NKAIN2: variants seen among roughly 807,000 people sequenced by gnomAD.
NKAIN2 encodes sodium/potassium transporting ATPase interacting 2, also known as sodium/potassium-transporting ATPase subunit beta-1-interacting protein 2.
In NKAIN2, 14 loss-of-function variants were observed where a neutral mutation model predicts 32.6. The observed-to-expected ratio is 0.43, with a 90% CI of 0.28 to 0.67. The LOEUF (loss-of-function observed/expected upper bound fraction) is 0.67, where lower values mean the gene tolerates loss of function less well. Among genes scored for constraint, NKAIN2 ranks in the 30% least tolerant of loss-of-function variants. NKAIN2 has a pLI of 0.17. For missense variants in NKAIN2, 198 were observed against 258.3 expected (o/e 0.77, Z 1.60); for synonymous variants, 80 against 87.2 (o/e 0.92, Z 0.46).
chr6:124,382,346 C>A (rs146801596), intron 3 of NKAIN2, among the ~76,000 whole-genome samples: 3 of 152,082 alleles, frequency 2.0e-5, no homozygotes, highest in African/African-American at 7.2e-5. Flanking sequence ...CTCTTTATAT[C>A]CATCATAAAT....
At position 123,982,835 on chromosome 6, in the gene NKAIN2, A is replaced by C. The variant is rs1037204758; in HGVS notation, c.54+178581A>C. Among the ~76,000 whole-genome samples the C allele has an allele frequency of 2.0e-5, 3 of 152,290 alleles. No individual in the cohort carries two copies. The South Asian group carries it at 6.2e-4, about 32-fold the overall frequency. ...TCTAATAAACAGAAGTGTTTGTCCA[A>C]GGGTTATCAATATGAGATGCAAAAG... On this transcript the variant is annotated intron_variant, in intron 1 of 6. Transcript: ENST00000368417.
At chr6:123,883,091 G>A (rs532623873) in intron 1 of NKAIN2, among the ~76,000 whole-genome samples, 1 of 152,204 alleles carries the variant, frequency 6.6e-6, no homozygotes, top group East Asian at 1.9e-4. Flanking sequence ...CTTGGTGGGA[G>A]GTGGTTAGAT....
In NKAIN2 at chr6:124,362,140, T is replaced by G. The variant is rs150868485; in HGVS notation, c.273+6793T>G. 9.6e-3 allele frequency among the ~76,000 whole-genome samples: 1,457 copies of G among 152,182 alleles called. 26 individuals carry two copies. The highest frequency in any genetic ancestry group is 0.033 in the African/African-American group (1,386 of 41,544). ...ATTTAAGACAAAATTTAACAAATAT[T>G]ATGATGATAATATATTGGGTTCATT... On this transcript the variant is annotated intron_variant, in intron 3 of 6. Coordinates refer to ENST00000368417, the MANE Select transcript of NKAIN2 (RefSeq NM_001040214.3).
intron 4 of NKAIN2, among the ~76,000 whole-genome samples, chr6:124,679,881 T>C (rs1449495924): frequency 6.6e-6 from 1 of 152,206 alleles, no homozygotes; most frequent in African/African-American, 2.4e-5. Flanking sequence ...GATTTTTACA[T>C]GAGAGCTGGG....
chr6:124,493,501 AG>A (rs551324200), intron 3 of NKAIN2, among the ~76,000 whole-genome samples: 100 of 152,132 alleles, frequency 6.6e-4, no homozygotes, highest in African/African-American at 2.2e-3. Flanking sequence ...ACAAATGAAC[AG>A]GAAGTGTGTC....
chr6:124,189,548 A>C (rs1789913554), intron 1 of NKAIN2, among the ~76,000 whole-genome samples: 1 of 152,018 alleles, frequency 6.6e-6, no homozygotes, highest in Non-Finnish European at 1.5e-5. Context: ...AAATACAAAA[A>C]AGTTAGCCTG....
intron 2 of NKAIN2, among the ~76,000 whole-genome samples, chr6:124,323,784 CTTTTTTTTTTTTT>C (rs1188944631): frequency 8.6e-6 from 1 of 115,932 alleles, no homozygotes; most frequent in Non-Finnish European, 1.7e-5. Context: ...TTAATTTTTT[CTTTTTTTTTTTTT>C]TTTTTTCTGA....
At chr6:124,593,620 GA>G (rs1781987329) in intron 3 of NKAIN2, among the ~76,000 whole-genome samples, 2 of 151,990 alleles carry the variant, frequency 1.3e-5, no homozygotes, top group Admixed American at 6.6e-5. Flanking sequence ...CTTAAGCAAA[GA>G]AATTTGAACT....
Position 124,504,302 on chromosome 6 carries a change from A to G in NKAIN2, c.273+148955A>G, listed in dbSNP as rs546219325. 2.0e-5 allele frequency among the ~76,000 whole-genome samples: 3 copies of G among 152,222 alleles called. No homozygotes were observed. The South Asian group carries it at 6.2e-4, about 32-fold the overall frequency. ...ATTTTTGCATAGGAGTGATGTTTTT[A>G]ACCTTATTAAAATTAAACTTTAACA... On this transcript the variant is annotated intron_variant, in intron 3 of 6. Coordinates refer to ENST00000368417, the MANE Select transcript of NKAIN2 (RefSeq NM_001040214.3).
At chr6:124,696,374 G>C (rs1377406106) in intron 4 of NKAIN2, among the ~76,000 whole-genome samples, 3 of 151,982 alleles carry the variant, frequency 2.0e-5, no homozygotes, top group Non-Finnish European at 2.9e-5. Context: ...ATGCCTAAGT[G>C]CCATATTTTG....
intron 3 of NKAIN2, among the ~76,000 whole-genome samples, chr6:124,642,268 T>C (rs1350657803): frequency 6.6e-6 from 1 of 152,208 alleles, no homozygotes; most frequent in African/African-American, 2.4e-5. Flanking sequence ...AACCATACTT[T>C]CTCAGCTGTT....
At chr6:124,116,954 G>A (rs1290632433) in intron 1 of NKAIN2, among the ~76,000 whole-genome samples, 1 of 151,880 alleles carries the variant, frequency 6.6e-6, no homozygotes, top group Non-Finnish European at 1.5e-5. Flanking sequence ...AAGGCATTAG[G>A]TACAGATCAT....
At chr6:124,199,026 A>T (rs1478450178) in intron 1 of NKAIN2, among the ~76,000 whole-genome samples, 1 of 152,168 alleles carries the variant, frequency 6.6e-6, no homozygotes, top group Non-Finnish European at 1.5e-5. Flanking sequence ...GAACTTACAA[A>T]TATATTTGAA....
chr6:123,822,818 T>A (rs1404619039), intron 1 of NKAIN2, among the ~76,000 whole-genome samples: 1 of 152,224 alleles, frequency 6.6e-6, no homozygotes, highest in Non-Finnish European at 1.5e-5. Context: ...TAATCTGTAA[T>A]GTATTTACTT....
intron 3 of NKAIN2, among the ~76,000 whole-genome samples, chr6:124,412,852 C>T (rs1774270463): frequency 6.6e-6 from 1 of 152,198 alleles, no homozygotes; most frequent in Non-Finnish European, 1.5e-5. Context: ...GCTTTGTTTA[C>T]CTACTCAAGC....
At chr6:124,280,115 G>T (rs988518147) in intron 1 of NKAIN2, among the ~76,000 whole-genome samples, 1 of 152,096 alleles carries the variant, frequency 6.6e-6, no homozygotes, top group Non-Finnish European at 1.5e-5. Context: ...CATGTATTTT[G>T]CTAGGCCAAA....
At chr6:124,133,929 A>G (rs1377333730) in intron 1 of NKAIN2, among the ~76,000 whole-genome samples, 1 of 152,170 alleles carries the variant, frequency 6.6e-6, no homozygotes, top group Non-Finnish European at 1.5e-5. Flanking sequence ...TACTCAAATG[A>G]GAAGGAACCA....
At chr6:124,501,697 G>A (rs1778297611) in intron 3 of NKAIN2, among the ~76,000 whole-genome samples, 1 of 151,948 alleles carries the variant, frequency 6.6e-6, no homozygotes. Context: ...CAACTTCCTT[G>A]ATACATTATA....
chr6:124,818,415 T>G lies in NKAIN2; in HGVS notation c.564T>G (p.Tyr188Ter). The G allele has an allele frequency of 6.2e-7, 1 of 1,605,772 alleles. No homozygotes were observed. The highest frequency in any genetic ancestry group is 1.3e-5 in the African/African-American group (1 of 74,828). The change falls in exon 6 of 7, where the codon TAT (tyrosine) becomes TAG (stop). Residue 188 changes from tyrosine (Y) to a stop codon, truncating the protein, a stop_gained. Transcript: ENST00000368417. LOFTEE classifies it high-confidence loss of function. The part of the protein sequence containing the change: ...SFDFIGGFDS[Y>*]GYQGPQKTSH... ...ATTTCATAGGTGGCTTTGACTCTTA[T>G]GGCTATCAAGGGCCTCAGAAGACAT... is the stretch of plus-strand genomic sequence containing the variant.
Sources: allele counts gnomAD v4.1 joint callset (sites outside exome capture counted in the v4.1 genomes callset), GRCh38; gene constraint gnomAD v4.1.1; transcripts MANE v1.5; gene names NCBI Gene and HGNC (gene_info 2026-07-23, HGNC 2026-07-21).